Variants in ZNF827 observed in about 807,000 individuals in gnomAD.
The protein encoded by ZNF827 is zinc finger protein 827.
A neutral mutation model predicts 102.4 loss-of-function variants in ZNF827; 13 were observed. The ratio of observed to expected loss-of-function variants is 0.13; its 90% confidence interval spans 0.08 to 0.20. ZNF827 has a LOEUF of 0.20. Ranked by LOEUF, ZNF827 falls within the 10% of genes least tolerant of loss-of-function variation. The pLI is 1.00. For missense variants in ZNF827, 1,103 were observed against 1,344.4 expected (o/e 0.82, Z 2.81); for synonymous variants, 523 against 536.2 (o/e 0.98, Z 0.34).
intron 4 of ZNF827, among the ~76,000 whole-genome samples, chr4:145,884,912 A>G (rs1404353901): frequency 6.6e-6 from 1 of 152,122 alleles, no homozygotes; most frequent in Non-Finnish European, 1.5e-5. Flanking sequence ...CCCTATAGTC[A>G]GATTCAAAGA....
At chr4:145,786,185 G>A (rs760225643) in intron 8 of ZNF827, among the ~76,000 whole-genome samples, 9 of 152,142 alleles carry the variant, frequency 5.9e-5, no homozygotes, top group Admixed American at 2.6e-4. Context: ...ACTTTAGTTT[G>A]TTTCCTTTCA....
At position 145,836,600 on chromosome 4, in the gene ZNF827, C is replaced by T. The variant is rs530806380; in HGVS notation, c.2279+9356G>A. The stretch of plus-strand genomic sequence containing the variant: ...ATTGTTCCTGGCTCGGACTTCAATC[C>T]GGCCTCCCACATTATTCCTGATACC... On this transcript the variant is annotated intron_variant, in intron 7 of 14. Transcript: ENST00000508784. Among the ~76,000 whole-genome samples the T allele has an allele frequency of 2.9e-3, 437 of 152,192 alleles. 1 individual carries two copies. The highest frequency in any genetic ancestry group is 9.6e-3 in the African/African-American group (400 of 41,520).
intron 11 of ZNF827, chr4:145,770,904 C>T (rs147130563): frequency 6.6e-6 from 1 of 152,288 alleles, no homozygotes; most frequent in African/African-American, 2.4e-5. Context: ...AGTTTTACAA[C>T]TCCGCAGGGC....
Position 145,765,450 on chromosome 4 carries a change from T to G in ZNF827, c.3052+97A>C, listed in dbSNP as rs949322676. The G allele has an allele frequency of 1.1e-5, 15 of 1,403,768 alleles. No individual in the cohort carries two copies. The African/African-American group carries it at 1.7e-4, about 16-fold the overall frequency. The allele number at this position is 1,403,768 out of a possible 1,614,324, so 87.0% of individuals were successfully genotyped here. A position where few individuals can be genotyped will look rare whatever the true frequency, so the allele number is the denominator to read the frequency against. ...AGCATACTGCATCCTGGGCCTATTATCAGTTTTTGACATCGCTCCTGTGCA... is the reference window on the plus strand; with the variant it reads ...AGCATACTGCATCCTGGGCCTATTAGCAGTTTTTGACATCGCTCCTGTGCA... On this transcript the variant is annotated intron_variant, in intron 12 of 14. Coordinates refer to ENST00000508784, the MANE Select transcript of ZNF827 (RefSeq NM_001306215.2). The surrounding 1 kb of genome is among the most constrained non-coding windows in gnomAD (Gnocchi z 4.7).
intron 1 of ZNF827, among the ~76,000 whole-genome samples, chr4:145,934,190 C>A (rs892662538): frequency 2.0e-4 from 31 of 152,114 alleles, no homozygotes; most frequent in Non-Finnish European, 3.2e-4. Flanking sequence ...AAAACCACCC[C>A]TCAAAAATAG....
In ZNF827 at chr4:145,902,252, G is replaced by A. The variant is rs749278908; in HGVS notation, c.1007C>T (p.Pro336Leu). ...KVTPPPPPPP[P>L]PPPPPPPQSL... ...TTGTGGTGGTGGTGGTGGAGGTGGTGGAGGTGGCGGTGGAGGTGGCGGAGT... is the reference window on the plus strand; with the variant it reads ...TTGTGGTGGTGGTGGTGGAGGTGGTAGAGGTGGCGGTGGAGGTGGCGGAGT... Residue 336 changes from proline (P) to leucine (L), a missense_variant, in exon 2 of 15, where the codon CCA becomes CTA. By Grantham distance (98) the Pro-to-Leu change is moderately conservative (BLOSUM62 -3). Transcript: ENST00000508784. The surrounding 1 kb of genome is among the most constrained non-coding windows in gnomAD (Gnocchi z 4.3). The A allele has an allele frequency of 6.3e-7, 1 of 1,598,492 alleles. No individual in the cohort carries two copies. Among genetic ancestry groups the A allele is most frequent in the South Asian group, 1.1e-5 (1 of 87,680 alleles).
chr4:145,860,461 TA>T (rs1747588852), intron 5 of ZNF827, among the ~76,000 whole-genome samples: 2 of 152,330 alleles, frequency 1.3e-5, no homozygotes, highest in East Asian at 3.9e-4. Flanking sequence ...TAGTAGGAAG[TA>T]AAGAAACAAG....
chr4:145,770,347 T>TAAATAAAA (rs1736080402), intron 11 of ZNF827, among the ~76,000 whole-genome samples: 5 of 53,728 alleles, frequency 9.3e-5, no homozygotes, highest in South Asian at 5.0e-4. Flanking sequence ...AATAAATAAA[T>TAAATAAAA]AAAATAGATC....
chr4:145,910,955 G>A (rs916498767), intron 1 of ZNF827, among the ~76,000 whole-genome samples: 1 of 152,146 alleles, frequency 6.6e-6, no homozygotes, highest in African/African-American at 2.4e-5. Context: ...TGCATCCTCG[G>A]CATTTAGGTT....
chr4:145,804,304 A>G (rs951372752), intron 8 of ZNF827, among the ~76,000 whole-genome samples: 1 of 152,190 alleles, frequency 6.6e-6, no homozygotes. Context: ...TAAGTAATCA[A>G]CCTCATAGCC....
In ZNF827 at chr4:145,761,939, C is replaced by T. The variant is rs534443397; in HGVS notation, c.*18-341G>A. On this transcript the variant is annotated intron_variant, in intron 14 of 14. Coordinates refer to ENST00000508784, the MANE Select transcript of ZNF827 (RefSeq NM_001306215.2). This position sits in a 1 kb window ranked among gnomAD's most constrained non-coding sequence, Gnocchi z 6.8. ...CCCCTCCAGCCCCCGCCCGGCCCCTCGGAGCCCTCCCCACTCCCGACCAGA... is the reference window on the plus strand; with the variant it reads ...CCCCTCCAGCCCCCGCCCGGCCCCTTGGAGCCCTCCCCACTCCCGACCAGA... Among the ~76,000 whole-genome samples, 3 of 152,236 alleles carry T rather than the reference C, an allele frequency of 2.0e-5. No homozygotes were observed. The highest frequency in any genetic ancestry group is 2.1e-4 in the South Asian group (1 of 4,822).
At chr4:145,775,739 A>G (rs778756842) in intron 10 of ZNF827, 50 bp downstream of exon 10, 1 of 1,606,416 alleles carries the variant, frequency 6.2e-7, no homozygotes, top group Admixed American at 1.7e-5. Flanking sequence ...GGAAGTGTTG[A>G]AGTCAAGAGT....
intron 1 of ZNF827, among the ~76,000 whole-genome samples, chr4:145,928,934 G>A (rs1396634672): frequency 1.3e-5 from 2 of 152,186 alleles, no homozygotes; most frequent in African/African-American, 2.4e-5. Flanking sequence ...GGAGACAGCC[G>A]CCACCGACTA....
At chr4:145,898,840 C>G (rs1479247078) in intron 2 of ZNF827, among the ~76,000 whole-genome samples, 2 of 152,036 alleles carry the variant, frequency 1.3e-5, no homozygotes, top group Non-Finnish European at 2.9e-5. Flanking sequence ...CTTCCCTTGA[C>G]CTAAAGAAGG....
intron 1 of ZNF827, among the ~76,000 whole-genome samples, chr4:145,922,246 C>T (rs937993069): frequency 2.0e-5 from 3 of 152,160 alleles, no homozygotes; most frequent in African/African-American, 4.8e-5. Flanking sequence ...TAGTGGTTCT[C>T]AAAGTGTGGT....
chr4:145,810,106 A>G (rs1445652352), intron 8 of ZNF827, among the ~76,000 whole-genome samples: 1 of 152,352 alleles, frequency 6.6e-6, no homozygotes, highest in East Asian at 1.9e-4. Flanking sequence ...AACTGAGGAA[A>G]AGCTAACATT....
chr4:145,905,772 T>C (rs1186226743), intron 1 of ZNF827, among the ~76,000 whole-genome samples: 1 of 152,198 alleles, frequency 6.6e-6, no homozygotes, highest in African/African-American at 2.4e-5. Flanking sequence ...ATCCTATAAA[T>C]AGTAAGTCAA....
chr4:145,892,479 A>T, intron 2 of ZNF827, 64 bp from the exon 3 acceptor site: 1 of 1,477,598 alleles, frequency 6.8e-7, no homozygotes, highest in South Asian at 1.3e-5. Context: ...ATCTGGCATT[A>T]ATTCACATAC....
intron 1 of ZNF827, among the ~76,000 whole-genome samples, chr4:145,920,753 C>A (rs1025626966): frequency 5.9e-5 from 9 of 152,148 alleles, no homozygotes; most frequent in African/African-American, 1.9e-4. Context: ...ATGGGATTCC[C>A]CCCTTCTTAA....
Sources: allele counts gnomAD v4.1 joint callset (sites outside exome capture counted in the v4.1 genomes callset), GRCh38; gene constraint gnomAD v4.1.1; non-coding constraint Gnocchi (gnomAD v3.1); transcripts MANE v1.5; gene names NCBI Gene and HGNC (gene_info 2026-07-23, HGNC 2026-07-21).